Variants in NTN4 observed in about 807,000 individuals in gnomAD.
The protein encoded by NTN4 is netrin 4.
In NTN4, 32 loss-of-function variants were observed where a neutral mutation model predicts 73.6. The ratio of observed to expected loss-of-function variants is 0.44; its 90% CI spans 0.33 to 0.58. The LOEUF (loss-of-function observed/expected upper bound fraction) is 0.58. Ranked by LOEUF, NTN4 falls within the 20% of genes least tolerant of loss-of-function variation. The pLI is 0.04. For synonymous variants in NTN4, 258 were observed against 287.5 expected (o/e 0.90, Z 1.04); for missense variants, 654 against 798.3 (o/e 0.82, Z 2.18).
intron 5 of NTN4, among the ~76,000 whole-genome samples, chr12:95,705,491 A>G (rs1222714203): frequency 6.6e-6 from 1 of 151,958 alleles, no homozygotes; most frequent in Non-Finnish European, 1.5e-5. Flanking sequence ...TCCTGTCTCT[A>G]TGGCCAGGAC....
At chr12:95,695,492 G>A (rs1462744514) in intron 5 of NTN4, among the ~76,000 whole-genome samples, 1 of 152,062 alleles carries the variant, frequency 6.6e-6, no homozygotes, top group Admixed American at 6.5e-5. Context: ...AGCCTCCTGA[G>A]TAGCTGGGGT....
upstream of NTN4, among the ~76,000 whole-genome samples, chr12:95,790,928 C>CGGGA: frequency 8.5e-6 from 1 of 117,136 alleles, no homozygotes; most frequent in East Asian, 3.6e-4. This position sits in a 1 kb window ranked among gnomAD's most constrained non-coding sequence, Gnocchi z 6.5. Context: ...CGCTGCCGCC[C>CGGGA]GGGGGGGGGG....
At chr12:95,673,181 T>C in intron 7 of NTN4, 1 of 538,748 alleles carries the variant, frequency 1.9e-6, no homozygotes, top group Non-Finnish European at 3.3e-6. Flanking sequence ...TCTTGAGCTG[T>C]AGCTGCAGAT....
At chr12:95,742,437 A>G (rs1456365746) in intron 2 of NTN4, among the ~76,000 whole-genome samples, 2 of 152,166 alleles carry the variant, frequency 1.3e-5, no homozygotes, top group African/African-American at 4.8e-5. Flanking sequence ...GCATCAATAC[A>G]GTGTGAACAG....
intron 3 of NTN4, among the ~76,000 whole-genome samples, chr12:95,729,632 A>AGAGAGAGTGT (rs1555218229): frequency 8.1e-6 from 1 of 124,088 alleles, no homozygotes; most frequent in African/African-American, 2.9e-5. Flanking sequence ...AGAGAGAGAG[A>AGAGAGAGTGT]GTGTGTGTGT....
intron 5 of NTN4, among the ~76,000 whole-genome samples, chr12:95,696,956 G>T (rs1421819229): frequency 2.0e-5 from 3 of 151,884 alleles, no homozygotes; most frequent in South Asian, 4.1e-4. Flanking sequence ...GTTCACTTGA[G>T]CCCAGGAGTT....
chr12:95,682,812 TG>T lies in NTN4; in HGVS notation c.1404del (p.Asp468GlufsTer2). 6.2e-7 allele frequency: 1 copy of T among 1,606,548 alleles called. No individual in the cohort carries two copies. The highest frequency in any genetic ancestry group is 8.5e-7 in the Non-Finnish European group (1 of 1,173,628). ...TCAGGAACTTCATGATACCAGTCTA[TG>T]TCTGTGTGGCTAACAAAATAGAACA... ...ITGDCISSHT[D>X]IDWYHEVPDF... On this transcript the variant is annotated frameshift_variant, in exon 7 of 10. Coordinates refer to ENST00000343702, the MANE Select transcript of NTN4 (RefSeq NM_021229.4). LOFTEE classifies it high-confidence loss of function.
intron 3 of NTN4, among the ~76,000 whole-genome samples, chr12:95,728,389 T>C (rs1275101403): frequency 1.3e-5 from 2 of 152,160 alleles, no homozygotes; most frequent in African/African-American, 4.8e-5. Context: ...AAGTATTTGG[T>C]TTTTCACCAT....
At chr12:95,689,963 G>A (rs1452368208) in intron 5 of NTN4, among the ~76,000 whole-genome samples, 3 of 152,138 alleles carry the variant, frequency 2.0e-5, no homozygotes, top group Non-Finnish European at 2.9e-5. Flanking sequence ...AGTGCTTAGC[G>A]GAGGCAGACT....
chr12:95,689,361 T>G (rs1049693821), intron 5 of NTN4, among the ~76,000 whole-genome samples: 4 of 152,196 alleles, frequency 2.6e-5, no homozygotes, highest in Admixed American at 2.0e-4. Context: ...TTCCTCTCAT[T>G]ATTCTCTTGC....
rs1460848065 is a variant in NTN4 at position 95,770,988 on chromosome 12, A to ATTTTTTTT, written c.585+15950_585+15951insAAAAAAAA. On this transcript the variant is annotated intron_variant, in intron 2 of 9. Coordinates refer to ENST00000343702, the MANE Select transcript of NTN4 (RefSeq NM_021229.4). ...GCAAGATGAACCATCCAGGAAAAGA[A>ATTTTTTTT]TTTGTTTTTTTTTTTTTTTGAGACA... Among the ~76,000 whole-genome samples, 51 of 58,074 alleles carry ATTTTTTTT rather than the reference A, an allele frequency of 8.8e-4. 8 individuals carry two copies. The highest frequency in any genetic ancestry group is 2.1e-3 in the African/African-American group (48 of 22,868). The allele number at this position is 58,074 out of a possible 152,430, so 38.1% of individuals were successfully genotyped here.
intron 5 of NTN4, among the ~76,000 whole-genome samples, chr12:95,709,540 C>CTCTCT (rs377625911): frequency 7.3e-6 from 1 of 137,106 alleles, no homozygotes; most frequent in Non-Finnish European, 1.5e-5. Flanking sequence ...CTCTCTCTCT[C>CTCTCT]TTTTTTTTTT....
chr12:95,683,449 A>G, intron 6 of NTN4, 49 bp downstream of exon 6: 3 of 1,551,344 alleles, frequency 1.9e-6, no homozygotes, highest in Non-Finnish European at 1.8e-6. Context: ...TAGGTTTTCA[A>G]AAGAGCCTGA....
At chr12:95,774,825 A>G (rs1305173815) in intron 2 of NTN4, among the ~76,000 whole-genome samples, 3 of 152,370 alleles carry the variant, frequency 2.0e-5, no homozygotes, top group Non-Finnish European at 1.5e-5. Flanking sequence ...GAATCAGTCC[A>G]TAAGTTATCA....
rs1379944574 is a variant in NTN4, at chr12:95,658,431, T to C, written c.*655A>G. ...GTTTCTCCAAGTATTCAGAGTTAAA[T>C]AGCACAACTTCTTTTATATGGTCAC... On this transcript the variant is annotated 3_prime_UTR_variant, in exon 10 of 10. Coordinates refer to ENST00000343702, the MANE Select transcript of NTN4 (RefSeq NM_021229.4). 6.6e-6 allele frequency: 1 copy of C among 152,634 alleles called. No homozygotes were observed. The highest frequency in any genetic ancestry group is 1.5e-5 in the Non-Finnish European group (1 of 68,046). The allele number at this position is 152,634 out of a possible 1,614,324, so 9.5% of individuals were successfully genotyped here.
chr12:95,786,883 G>T, intron 2 of NTN4, 56 bp downstream of exon 2: 1 of 1,437,570 alleles, frequency 7.0e-7, no homozygotes, highest in Non-Finnish European at 9.5e-7. Flanking sequence ...AAAAAATGCG[G>T]GCTGGTAACA....
chr12:95,745,671 G>C (rs2078856829), intron 2 of NTN4, among the ~76,000 whole-genome samples: 1 of 152,082 alleles, frequency 6.6e-6, no homozygotes, highest in South Asian at 2.1e-4. Flanking sequence ...TTTATTATGA[G>C]TTGTATTCTC....
At chr12:95,735,904 T>A (rs1342553793) in intron 3 of NTN4, among the ~76,000 whole-genome samples, 3 of 72,612 alleles carry the variant, frequency 4.1e-5, no homozygotes, top group African/African-American at 1.1e-4. Flanking sequence ...TTTTTTTAAA[T>A]TTTTATTTAT....
intron 2 of NTN4, among the ~76,000 whole-genome samples, chr12:95,766,114 T>C (rs2079019769): frequency 6.6e-6 from 1 of 152,198 alleles, no homozygotes; most frequent in Admixed American, 6.5e-5. Flanking sequence ...GCCTTCCTTT[T>C]CTTTGGCAGT....
Sources: gnomAD v4.1 joint callset for allele counts (sites outside exome capture counted in the v4.1 genomes callset) on GRCh38, gnomAD v4.1.1 for gene constraint, Gnocchi (gnomAD v3.1) non-coding constraint, MANE v1.5 for transcripts, NCBI Gene and HGNC (gene_info 2026-07-23, HGNC 2026-07-21) for gene names.